The following APLF variants were observed in gnomAD, a reference collection of about 807,000 sequenced individuals.
APLF encodes aprataxin and PNKP like factor, also known as aprataxin and PNK-like factor.
A neutral mutation model predicts 55.6 loss-of-function variants in APLF; 61 were observed. The ratio of observed to expected loss-of-function variants is 1.10; its 90% CI spans 0.89 to 1.36. The LOEUF is 1.36. APLF is among the 40% of genes most tolerant of loss of function. The pLI is 0.00. For missense variants in APLF, 611 were observed against 602.5 expected, an observed-to-expected ratio of 1.01 and a Z score of -0.15; for synonymous variants, 207 against 214.8, an observed-to-expected ratio of 0.96 and a Z score of 0.32.
At chr2:68,518,295 T>C (rs1476640042) in intron 5 of APLF, among the ~76,000 whole-genome samples, 3 of 115,228 alleles carry the variant, frequency 2.6e-5, no homozygotes, top group African/African-American at 1.1e-4. Flanking sequence ...ATTAATATAT[T>C]AATATATTAT....
chr2:68,500,765 T>G (rs892812767), intron 2 of APLF, among the ~76,000 whole-genome samples: 4 of 152,144 alleles, frequency 2.6e-5, no homozygotes, highest in African/African-American at 9.7e-5. Context: ...CATGACATAC[T>G]CAAGGAAAGG....
intron 7 of APLF, among the ~76,000 whole-genome samples, chr2:68,539,379 G>T (rs555503126): frequency 2.4e-4 from 36 of 152,318 alleles, no homozygotes; most frequent in Middle Eastern, 3.4e-3. Context: ...TTTCTCCTGA[G>T]ACCTCTTTTC....
At chr2:68,482,174 TC>T (rs1315369854) in intron 1 of APLF, among the ~76,000 whole-genome samples, 1 of 152,086 alleles carries the variant, frequency 6.6e-6, no homozygotes, top group East Asian at 1.9e-4. Context: ...GTTTCTTATG[TC>T]CCTATATTGA....
At chr2:68,502,510 G>A (rs896778614) in intron 2 of APLF, among the ~76,000 whole-genome samples, 1 of 151,490 alleles carries the variant, frequency 6.6e-6, no homozygotes, top group Admixed American at 6.6e-5. Flanking sequence ...AGAAATGGGA[G>A]GTATACCATA....
At chr2:68,483,424 A>G (rs1339689654) in intron 1 of APLF, among the ~76,000 whole-genome samples, 1 of 152,050 alleles carries the variant, frequency 6.6e-6, no homozygotes, top group Non-Finnish European at 1.5e-5. Context: ...ACCTCTTTTC[A>G]TCCTGCTTTT....
intron 8 of APLF, among the ~76,000 whole-genome samples, chr2:68,551,603 C>CTTCTTTT (rs71395976): frequency 8.6e-6 from 1 of 115,752 alleles, no homozygotes; most frequent in Non-Finnish European, 1.8e-5. Flanking sequence ...TCTTCTTCTT[C>CTTCTTTT]TTTTTTTTTT....
intron 6 of APLF, chr2:68,528,378 G>T: frequency 2.0e-6 from 3 of 1,533,506 alleles, no homozygotes; most frequent in Non-Finnish European, 2.6e-6. Context: ...CCCACCAACA[G>T]TGCCTCAGGA....
intron 1 of APLF, among the ~76,000 whole-genome samples, chr2:68,474,979 T>C (rs1324645386): frequency 6.6e-6 from 1 of 152,218 alleles, no homozygotes; most frequent in Admixed American, 6.5e-5. Context: ...GTATCTGTAT[T>C]TTTAAAAGCT....
intron 8 of APLF, 152 bp downstream of exon 8, chr2:68,545,464 G>C: frequency 9.9e-7 from 1 of 1,012,524 alleles, no homozygotes; most frequent in Non-Finnish European, 1.4e-6. Context: ...TAATAGGTAG[G>C]ATGATATTTC....
At chr2:68,532,645 A>G (rs909658505) in intron 6 of APLF, among the ~76,000 whole-genome samples, 30 of 152,328 alleles carry the variant, frequency 2.0e-4, no homozygotes, top group African/African-American at 7.0e-4. Flanking sequence ...ACTTCTCTTC[A>G]TAAGACAGTT....
chr2:68,572,087 A>G (rs988570365), intron 9 of APLF, among the ~76,000 whole-genome samples: 1 of 152,132 alleles, frequency 6.6e-6, no homozygotes, highest in Admixed American at 6.6e-5. Flanking sequence ...AAAGATCCAG[A>G]AAGAAAACTA....
intron 5 of APLF, among the ~76,000 whole-genome samples, chr2:68,514,882 A>T (rs1055127216): frequency 6.6e-6 from 1 of 151,816 alleles, no homozygotes; most frequent in African/African-American, 2.4e-5. Flanking sequence ...TAGTTTGAAA[A>T]ATATTTTTTT....
chr2:68,510,225 T>G (rs953527271), intron 3 of APLF, among the ~76,000 whole-genome samples: 2 of 151,352 alleles, frequency 1.3e-5, no homozygotes, highest in African/African-American at 4.8e-5. Flanking sequence ...AATAAAAAAA[T>G]AATAATATAC....
chr2:68,545,278 CG>C lies in APLF; in HGVS notation c.1254del (p.Pro419LeufsTer18), dbSNP rs758414540. On this transcript the variant is annotated frameshift_variant, in exon 8 of 10. Coordinates refer to ENST00000303795, the MANE Select transcript of APLF (RefSeq NM_173545.3). LOFTEE classifies it high-confidence loss of function. ...CGTGGGCCAAGATGAGACTGATGACCGGCCTGAATGTCCCTATGGACCATCC... is the reference window on the plus strand; with the variant it reads ...CGTGGGCCAAGATGAGACTGATGACCGCCTGAATGTCCCTATGGACCATCC... ...QIVGQDETDD[R>X]PECPYGPSCY... The C allele has an allele frequency of 1.2e-6, 2 of 1,613,594 alleles. No individual in the cohort carries two copies. Among genetic ancestry groups the C allele is most frequent in the African/African-American group, 2.7e-5 (2 of 74,876 alleles).
Position 68,513,685 on chromosome 2 carries a change from G to T in APLF, c.622+5G>T. The stretch of plus-strand genomic sequence containing the variant: ...CAGTACCAGCAATCAGTGGAGGTAG[G>T]TTTTTGTTTCTACTAATGCTGACTT... On this transcript the variant is annotated splice_donor_5th_base_variant and intron_variant, in intron 5 of 9. Coordinates refer to ENST00000303795, the MANE Select transcript of APLF (RefSeq NM_173545.3). 1 of 1,609,112 alleles carries T rather than the reference G, an allele frequency of 6.2e-7. No individual in the cohort carries two copies. The highest frequency in any genetic ancestry group is 1.1e-5 in the South Asian group (1 of 90,668).
At position 68,529,170 on chromosome 2, in the gene APLF, G is replaced by A. The variant is rs186441988; in HGVS notation, c.804+2928G>A. ...AGCACGGGTTTCTTCCTTGAGGGGG[G>A]GCTCCAGACAACAGGAGGCAGGACC... On this transcript the variant is annotated intron_variant, in intron 6 of 9. Coordinates refer to ENST00000303795, the MANE Select transcript of APLF (RefSeq NM_173545.3). This position sits in a 1 kb window ranked among gnomAD's most constrained non-coding sequence, Gnocchi z 4.4. 18 of 1,293,008 alleles carry A rather than the reference G, an allele frequency of 1.4e-5. No individual in the cohort carries two copies. The highest frequency in any genetic ancestry group is 4.2e-5 in the South Asian group (3 of 71,100). The allele number at this position is 1,293,008 out of a possible 1,614,324, so 80.1% of individuals were successfully genotyped here. A position where few individuals can be genotyped will look rare whatever the true frequency, so the allele number is the denominator to read the frequency against.
rs1208539804 is a variant in APLF at position 68,579,834 on chromosome 2, G to T, written c.*1812G>T. 7 of 213,530 alleles carry T rather than the reference G, an allele frequency of 3.3e-5. No individual in the cohort carries two copies. The South Asian group carries it at 1.0e-3, about 30-fold the overall frequency. 13.2% of individuals were successfully genotyped at this position (213,530 alleles called of 1,614,324 possible). ...TAATGAGTATAGGATTTCCTTTTGA[G>T]TGATAAAAATGTTCTAAGATTAGAT... On this transcript the variant is annotated 3_prime_UTR_variant, in exon 10 of 10. Coordinates refer to ENST00000303795, the MANE Select transcript of APLF (RefSeq NM_173545.3).
intron 7 of APLF, among the ~76,000 whole-genome samples, chr2:68,541,856 A>T (rs1360696872): frequency 6.6e-6 from 1 of 152,210 alleles, no homozygotes; most frequent in Non-Finnish European, 1.5e-5. Context: ...AGATGATCAA[A>T]GTTGGAGGTC....
intron 3 of APLF, among the ~76,000 whole-genome samples, chr2:68,505,077 C>A (rs1676835093): frequency 1.3e-5 from 2 of 151,950 alleles, no homozygotes; most frequent in South Asian, 4.1e-4. Context: ...TCTAAAAATG[C>A]TTAAATGTAA....
Sources: gnomAD v4.1 joint callset for allele counts (sites outside exome capture counted in the v4.1 genomes callset) on GRCh38, gnomAD v4.1.1 for gene constraint, Gnocchi (gnomAD v3.1) non-coding constraint, MANE v1.5 for transcripts, NCBI Gene and HGNC (gene_info 2026-07-23, HGNC 2026-07-21) for gene names.